The following TXNDC8 variants were observed in gnomAD, a reference collection of about 807,000 sequenced individuals.
The protein encoded by TXNDC8 is thioredoxin domain containing 8.
Under a neutral mutation model 12.9 loss-of-function variants are expected in TXNDC8, and 15 were observed. The ratio of observed to expected loss-of-function variants is 1.16; its 90% CI spans 0.78 to 1.79. TXNDC8 has a LOEUF of 1.79. Among genes scored for constraint, TXNDC8 ranks in the 40% most tolerant of loss-of-function variants. The pLI is 0.00. For synonymous variants in TXNDC8, 40 were observed against 35.4 expected (o/e 1.13, Z -0.46); for missense variants, 128 against 113.2 (o/e 1.13, Z -0.59).
intron 1 of TXNDC8, among the ~76,000 whole-genome samples, chr9:110,337,567 C>T (rs1839806065): frequency 6.6e-6 from 1 of 152,178 alleles, no homozygotes; most frequent in African/African-American, 2.4e-5. Context: ...GAAGAAAGCC[C>T]TTCTTTATCA....
At chr9:110,337,113 G>A (rs1839786364) in intron 1 of TXNDC8, among the ~76,000 whole-genome samples, 1 of 152,208 alleles carries the variant, frequency 6.6e-6, no homozygotes, top group Non-Finnish European at 1.5e-5. Context: ...AATGTCACAA[G>A]TCTAAATCTG....
At chr9:110,324,016 G>T in intron 3 of TXNDC8, 2 of 1,548,488 alleles carry the variant, frequency 1.3e-6, no homozygotes, top group South Asian at 1.2e-5. Context: ...GGAAGTACAT[G>T]GGATAAGAAT....
intron 2 of TXNDC8, among the ~76,000 whole-genome samples, chr9:110,330,114 T>C (rs145075951): frequency 6.1e-4 from 93 of 152,336 alleles, no homozygotes; most frequent in African/African-American, 2.2e-3. Context: ...GCTGTGTTCA[T>C]ACCTTAAGGA....
At chr9:110,323,471 G>T in intron 3 of TXNDC8, 1 of 389,306 alleles carries the variant, frequency 2.6e-6, no homozygotes, top group Non-Finnish European at 3.5e-6. Flanking sequence ...GATCCTTGGT[G>T]ACTTTAGAGA....
chr9:110,310,516 A>T (rs1363031323), intron 3 of TXNDC8, among the ~76,000 whole-genome samples: 1 of 152,184 alleles, frequency 6.6e-6, no homozygotes, highest in Non-Finnish European at 1.5e-5. Flanking sequence ...TGCCTAATAC[A>T]TTTATGTATT....
Position 110,311,599 on chromosome 9 carries a change from CAT to C in TXNDC8, c.196-7069_196-7068del, listed in dbSNP as rs1199450055. Among the ~76,000 whole-genome samples the C allele has an allele frequency of 4.0e-4, 28 of 69,808 alleles. No individual in the cohort carries two copies. The East Asian group carries it at 5.7e-3, about 14-fold the overall frequency. 45.8% of individuals were successfully genotyped at this position (69,808 alleles called of 152,430 possible). On this transcript the variant is annotated intron_variant, in intron 3 of 4. Transcript: ENST00000423740. ...ATATGGATTACTATATTACTATATC[CAT>C]ATATATATGGATATAGTAATAGATA...
intron 3 of TXNDC8, among the ~76,000 whole-genome samples, chr9:110,320,433 A>G (rs1839047247): frequency 6.6e-6 from 1 of 152,108 alleles, no homozygotes; most frequent in South Asian, 2.1e-4. Flanking sequence ...GCCTTCCACC[A>G]TGATTTTGAG....
intron 1 of TXNDC8, 33 bp from the exon 2 acceptor site, chr9:110,334,353 T>A (rs779624498): frequency 4.6e-6 from 7 of 1,529,812 alleles, no homozygotes; most frequent in Non-Finnish European, 6.3e-6. Context: ...GAAATGTGCA[T>A]AATCACTGAA....
At chr9:110,319,628 C>T (rs1238650167) in intron 3 of TXNDC8, among the ~76,000 whole-genome samples, 2 of 152,188 alleles carry the variant, frequency 1.3e-5, no homozygotes, top group Non-Finnish European at 2.9e-5. Context: ...ACTGAAGATG[C>T]TCTTTTGGGA....
intron 3 of TXNDC8, among the ~76,000 whole-genome samples, chr9:110,315,202 A>T (rs903096592): frequency 3.3e-5 from 5 of 151,828 alleles, no homozygotes; most frequent in Admixed American, 3.3e-4. Context: ...GGTTCAAGTG[A>T]TTCTCTTGCC....
At chr9:110,305,236 C>T (rs1430065718) in intron 3 of TXNDC8, among the ~76,000 whole-genome samples, 2 of 148,504 alleles carry the variant, frequency 1.3e-5, no homozygotes, top group East Asian at 4.1e-4. Context: ...AGATGGAATT[C>T]TACGATATGT....
chr9:110,336,900 G>A (rs1839780142), intron 1 of TXNDC8, among the ~76,000 whole-genome samples: 1 of 152,140 alleles, frequency 6.6e-6, no homozygotes, highest in Non-Finnish European at 1.5e-5. Flanking sequence ...AAAGGTCCCT[G>A]GGGAGGAGAT....
chr9:110,324,039 G>T, intron 3 of TXNDC8: 1 of 1,542,660 alleles, frequency 6.5e-7, no homozygotes, highest in African/African-American at 1.4e-5. Context: ...AAAAGGGAGT[G>T]GTTCCTTGGA....
intron 3 of TXNDC8, chr9:110,324,076 A>T (rs577598768): frequency 6.8e-7 from 1 of 1,478,682 alleles, no homozygotes; most frequent in South Asian, 1.4e-5. Flanking sequence ...ATTAATAGAG[A>T]ATGGATGCTG....
chr9:110,313,986 G>A (rs377104149), intron 3 of TXNDC8, among the ~76,000 whole-genome samples: 1 of 152,126 alleles, frequency 6.6e-6, no homozygotes, highest in Non-Finnish European at 1.5e-5. Context: ...AATAGAAAAG[G>A]GGGTAAATGT....
chr9:110,325,516 T>G (rs1564104320), intron 3 of TXNDC8, among the ~76,000 whole-genome samples: 1 of 58,008 alleles, frequency 1.7e-5, no homozygotes, highest in African/African-American at 8.6e-5. Context: ...GTATACACTT[T>G]TTTTTTTTTT....
chr9:110,321,978 C>G (rs1272787820), intron 3 of TXNDC8, among the ~76,000 whole-genome samples: 1 of 152,166 alleles, frequency 6.6e-6, no homozygotes, highest in Non-Finnish European at 1.5e-5. Flanking sequence ...GTAATACTCT[C>G]TCTTTAGGAT....
chr9:110,325,597 T>G (rs76598715), intron 3 of TXNDC8, among the ~76,000 whole-genome samples: 21,325 of 150,066 alleles, frequency 0.14, 1,751 homozygotes, highest in African/African-American at 0.22. Context: ...CTTGGCTCAC[T>G]GCAAGCTCCG....
At chr9:110,332,070 C>T (rs1839567678) in intron 2 of TXNDC8, among the ~76,000 whole-genome samples, 1 of 152,178 alleles carries the variant, frequency 6.6e-6, no homozygotes, top group African/African-American at 2.4e-5. Context: ...GTTAGAATCT[C>T]CACAGGTGGG....
Sources: gnomAD v4.1 joint callset for allele counts (sites outside exome capture counted in the v4.1 genomes callset) on GRCh38, gnomAD v4.1.1 for gene constraint, MANE v1.5 for transcripts, NCBI Gene and HGNC (gene_info 2026-07-23, HGNC 2026-07-21) for gene names.